The following PDE3B variants were observed in gnomAD, a reference collection of about 807,000 sequenced individuals.
The protein encoded by PDE3B is phosphodiesterase 3B.
PDE3B carries 66 observed loss-of-function variants against 116.8 expected under a neutral mutation model. That is an observed-to-expected ratio of 0.56 (90% CI 0.46 to 0.69). PDE3B has a LOEUF of 0.69. Ranked by LOEUF, PDE3B falls within the 30% of genes least tolerant of loss-of-function variation. The probability of loss-of-function intolerance (pLI) is 0.00; values close to 1 mark genes in which losing one functional copy is unlikely to be tolerated. For missense variants in PDE3B, 1,384 were observed against 1,368.1 expected, an observed-to-expected ratio of 1.01 and a Z score of -0.18; for synonymous variants, 595 against 533.6, an observed-to-expected ratio of 1.12 and a Z score of -1.59.
the PDE3B span, among the ~76,000 whole-genome samples, chr11:14,894,098 A>G: frequency 4.6e-5 from 7 of 152,220 alleles, no homozygotes; most frequent in African/African-American, 1.7e-4. Context: ...GCTTGTGACT[A>G]TCCCCAGGGG....
At chr11:14,850,092 T>G (rs1309765434) in intron 12 of PDE3B, among the ~76,000 whole-genome samples, 1 of 152,122 alleles carries the variant, frequency 6.6e-6, no homozygotes, top group African/African-American at 2.4e-5. Context: ...CCGACCCAAA[T>G]GTCCAACAAT....
intron 1 of PDE3B, among the ~76,000 whole-genome samples, chr11:14,721,307 C>G (rs1856067630): frequency 6.6e-6 from 1 of 152,040 alleles, no homozygotes; most frequent in Non-Finnish European, 1.5e-5. Flanking sequence ...GAAATAGGAA[C>G]ACTTTTACAC....
chr11:14,856,524 A>C (rs1417533600), intron 12 of PDE3B, among the ~76,000 whole-genome samples: 2 of 152,102 alleles, frequency 1.3e-5, no homozygotes, highest in African/African-American at 4.8e-5. Context: ...ATTATTTTTT[A>C]AATGAACAAT....
At chr11:14,694,530 A>G (rs777575938) in intron 1 of PDE3B, among the ~76,000 whole-genome samples, 3 of 152,210 alleles carry the variant, frequency 2.0e-5, no homozygotes, top group Non-Finnish European at 4.4e-5. Flanking sequence ...TTAGATGATC[A>G]TTAACATTTT....
intron 1 of PDE3B, among the ~76,000 whole-genome samples, chr11:14,658,149 A>C (rs1042413003): frequency 6.6e-6 from 1 of 152,108 alleles, no homozygotes; most frequent in African/African-American, 2.4e-5. Context: ...TTTAGTCTAA[A>C]CTTACCAGTC....
chr11:14,748,147 A>G (rs909475735), intron 1 of PDE3B, among the ~76,000 whole-genome samples: 1 of 152,238 alleles, frequency 6.6e-6, no homozygotes, highest in Non-Finnish European at 1.5e-5. Context: ...TAGGCCTATA[A>G]TATTAGTAAG....
chr11:14,759,082 G>A (rs1429805394), intron 1 of PDE3B, among the ~76,000 whole-genome samples: 6 of 151,994 alleles, frequency 3.9e-5, no homozygotes, highest in South Asian at 2.1e-4. Flanking sequence ...ATTGATTTGC[G>A]TATATTGAAC....
At chr11:14,662,800 G>A (rs1271056109) in intron 1 of PDE3B, among the ~76,000 whole-genome samples, 2 of 152,152 alleles carry the variant, frequency 1.3e-5, no homozygotes, top group African/African-American at 4.8e-5. Flanking sequence ...AAGAAATATG[G>A]GACTATGTGA....
intron 1 of PDE3B, among the ~76,000 whole-genome samples, chr11:14,712,513 T>G (rs1370864554): frequency 6.9e-6 from 1 of 143,944 alleles, no homozygotes; most frequent in Admixed American, 7.1e-5. Flanking sequence ...CTTGTCCTGT[T>G]GCCTGTGCTG....
chr11:14,667,416 C>G (rs1287807659), intron 1 of PDE3B, among the ~76,000 whole-genome samples: 7 of 149,476 alleles, frequency 4.7e-5, no homozygotes, highest in African/African-American at 1.5e-4. Context: ...CACATGTACC[C>G]TAAAACTTAA....
chr11:14,645,867 TTAA>T (rs1328496296), intron 1 of PDE3B, among the ~76,000 whole-genome samples: 2 of 152,178 alleles, frequency 1.3e-5, no homozygotes, highest in South Asian at 2.1e-4. Context: ...ACCAAGAAAC[TTAA>T]TAAGTATAGT....
intron 11 of PDE3B, among the ~76,000 whole-genome samples, chr11:14,842,126 C>G (rs1031523277): frequency 9.2e-5 from 14 of 151,972 alleles, no homozygotes; most frequent in African/African-American, 2.9e-4. Flanking sequence ...CGAGATTAGG[C>G]CATCTGTGAA....
At chr11:14,712,324 A>G (rs947940148) in intron 1 of PDE3B, among the ~76,000 whole-genome samples, 4 of 152,088 alleles carry the variant, frequency 2.6e-5, no homozygotes, top group Admixed American at 6.5e-5. Flanking sequence ...GCCTCAAGCA[A>G]TTCTCTTGTC....
intron 4 of PDE3B, among the ~76,000 whole-genome samples, chr11:14,798,265 A>G (rs1248322271): frequency 6.6e-6 from 1 of 152,218 alleles, no homozygotes; most frequent in African/African-American, 2.4e-5. Context: ...CCAGCCTTGC[A>G]TCGCAGGGAT....
intron 2 of PDE3B, 118 bp downstream of exon 2, chr11:14,772,105 A>G: frequency 1.9e-6 from 1 of 528,746 alleles, no homozygotes; most frequent in Non-Finnish European, 3.4e-6. Context: ...GTGCCATAAG[A>G]TTTTCTTTAA....
chr11:14,671,505 A>G (rs946411675), intron 1 of PDE3B, among the ~76,000 whole-genome samples: 1 of 152,272 alleles, frequency 6.6e-6, no homozygotes, highest in Admixed American at 6.5e-5. Flanking sequence ...GTTAACATTT[A>G]CATTTCACTC....
intron 1 of PDE3B, among the ~76,000 whole-genome samples, chr11:14,693,122 C>T (rs1317848490): frequency 6.6e-6 from 1 of 152,210 alleles, no homozygotes; most frequent in Non-Finnish European, 1.5e-5. Flanking sequence ...ATCCCAGATC[C>T]AGGCCCTAAC....
chr11:14,894,195 T>TA, the PDE3B span, among the ~76,000 whole-genome samples: 1 of 152,196 alleles, frequency 6.6e-6, no homozygotes, highest in African/African-American at 2.4e-5. Flanking sequence ...TATTAAGAGA[T>TA]ACCTTAAAAT....
chr11:14,734,239 T>C (rs1183319194), intron 1 of PDE3B, among the ~76,000 whole-genome samples: 1 of 152,162 alleles, frequency 6.6e-6, no homozygotes, highest in East Asian at 1.9e-4. Flanking sequence ...ACTTGGCTAA[T>C]TTTTAATTTT....
Sources: allele counts gnomAD v4.1 joint callset (sites outside exome capture counted in the v4.1 genomes callset), GRCh38; gene constraint gnomAD v4.1.1; transcripts MANE v1.5; gene names NCBI Gene and HGNC (gene_info 2026-07-23, HGNC 2026-07-21).